DELE1: variants seen among roughly 807,000 people sequenced by gnomAD.
DELE1 encodes the protein death ligand signal enhancer.
Under a neutral mutation model 59.3 loss-of-function variants are expected in DELE1, and 54 were observed. That is an observed-to-expected ratio of 0.91 (90% CI 0.73 to 1.14). DELE1 has a LOEUF of 1.14. Ranked by LOEUF, DELE1 falls within the 50% of genes most tolerant of loss-of-function variation. The pLI, the probability that DELE1 is intolerant of heterozygous loss-of-function variation, is 0.00. For synonymous variants in DELE1, 264 were observed against 259.1 expected (o/e 1.02, Z -0.18); for missense variants, 636 against 643.9 (o/e 0.99, Z 0.13).
In DELE1 at chr5:141,940,765, G is replaced by T; in HGVS notation, c.*2006G>T. The T allele has an allele frequency of 1.0e-6, 1 of 980,298 alleles. No homozygotes were observed. Among genetic ancestry groups the T allele is most frequent in the Non-Finnish European group, 1.2e-6 (1 of 825,304 alleles). The allele number at this position is 980,298 out of a possible 1,614,324, so 60.7% of individuals were successfully genotyped here. On this transcript the variant is annotated 3_prime_UTR_variant, in exon 12 of 12. Transcript: ENST00000432126. ...GCAGGGTCCTTGTCTTTGTATTCCA[G>T]TGTCCCCAGCACTGAGTGCAAGGCC...
chr5:141,928,330 G>A (rs775419322), intron 4 of DELE1, 32 bp downstream of exon 4: 4 of 1,598,210 alleles, frequency 2.5e-6, no homozygotes, highest in Non-Finnish European at 3.4e-6. Context: ...CAGGAGGGCT[G>A]GGCTGGGCGT....
chr5:141,933,399 A>T lies in DELE1; in HGVS notation c.895A>T (p.Lys299Ter). 1 of 1,491,666 alleles carries T rather than the reference A, an allele frequency of 6.7e-7. No individual in the cohort carries two copies. The highest frequency in any genetic ancestry group is 1.4e-5 in the African/African-American group (1 of 71,778). The allele number at this position is 1,491,666 out of a possible 1,614,324, so 92.4% of individuals were successfully genotyped here. A position where few individuals can be genotyped will look rare whatever the true frequency, so the allele number is the denominator to read the frequency against. Residue 299 changes from lysine to a stop codon, truncating the protein, a stop_gained and splice_region_variant, in exon 8 of 12, where the codon AAG (lysine) becomes TAG (stop). Transcript: ENST00000432126. LOFTEE classifies it high-confidence loss of function. The stretch of plus-strand genomic sequence containing the variant: ...CAGAGGCACCCCCAGGGACATTAGC[A>T]AGGTATTCCCCTGCCCCCAAGCCTG... ...HGRGTPRDISKAVLYYQLAAS... is the reference protein window; with the variant it reads ...HGRGTPRDIS
At chr5:141,937,152 C>A in intron 10 of DELE1, 46 bp from the exon 11 acceptor site, 1 of 1,608,004 alleles carries the variant, frequency 6.2e-7, no homozygotes, top group South Asian at 1.1e-5. Flanking sequence ...GTCAGTTCCT[C>A]ATTCCTGCAT....
Position 141,940,662 on chromosome 5 carries a change from T to A in DELE1, c.*1903T>A. 1.0e-6 allele frequency: 1 copy of A among 985,326 alleles called. No homozygotes were observed. The highest frequency in any genetic ancestry group is 1.2e-6 in the Non-Finnish European group (1 of 829,656). The allele number at this position is 985,326 out of a possible 1,614,324, so 61.0% of individuals were successfully genotyped here. ...TCCTCGCCTGCTCCCTGCCTCCTTT[T>A]CAGGGCTGCCCTGCACACTGGCTCA... is the stretch of plus-strand genomic sequence containing the variant. On this transcript the variant is annotated 3_prime_UTR_variant, in exon 12 of 12. Transcript: ENST00000432126.
At chr5:141,929,353 A>G (rs771590349) in intron 4 of DELE1, among the ~76,000 whole-genome samples, 19 of 151,832 alleles carry the variant, frequency 1.3e-4, no homozygotes, top group Non-Finnish European at 2.5e-4. Flanking sequence ...GGTTCAAGCA[A>G]TTTTCCTGCC....
In DELE1 at chr5:141,933,281, C is replaced by T. The variant is rs765620157; in HGVS notation, c.777C>T (p.Gly259=). ...CAGGAACAGAGAACATGAAGAGTGG[C>T]GACCACACGGCAGCCTTTTCTTACT... ...NFLGTENMKS[G]DHTAAFSYFQ... The change falls in exon 8 of 12, where the codon GGC becomes GGT. Residue 259 remains glycine, a synonymous_variant. Coordinates refer to ENST00000432126, the MANE Select transcript of DELE1 (RefSeq NM_014773.5). The T allele has an allele frequency of 3.0e-5, 46 of 1,556,462 alleles. 1 individual carries two copies. The Middle Eastern group carries it at 1.6e-3, about 52-fold the overall frequency.
intron 11 of DELE1, among the ~76,000 whole-genome samples, chr5:141,937,760 G>A (rs1469009149): frequency 2.9e-5 from 2 of 69,466 alleles, no homozygotes; most frequent in African/African-American, 5.8e-5. Context: ...GACAGAGCAA[G>A]ATTCTGTTTC....
intron 11 of DELE1, among the ~76,000 whole-genome samples, chr5:141,937,823 G>GT (rs895799007): frequency 8.8e-5 from 13 of 147,632 alleles, no homozygotes; most frequent in Admixed American, 1.3e-4. Flanking sequence ...ACAAACCTGA[G>GT]TTTTTTTTGT....
At chr5:141,928,055 C>G in intron 3 of DELE1, 96 bp from the exon 4 acceptor site, 1 of 1,427,908 alleles carries the variant, frequency 7.0e-7, no homozygotes, top group Non-Finnish European at 9.5e-7. Context: ...AGCTGCCCCA[C>G]CTGGATTTCC....
rs370151096 is a variant in DELE1, at chr5:141,934,315, C to T, written c.973C>T (p.Arg325Ter). ...AQYRYARCLLRDPASSWNPER... is the reference protein window; with the variant it reads ...AQYRYARCLL ...GTACCGCTATGCCAGGTGCCTACTA[C>T]GAGACCCAGCCTCTTCGTGGAACCC... The change falls in exon 9 of 12, where the codon CGA becomes TGA. Residue 325 changes from arginine to a stop codon, truncating the protein, a stop_gained. Transcript: ENST00000432126. LOFTEE classifies it high-confidence loss of function. The T allele has an allele frequency of 5.6e-5, 91 of 1,614,056 alleles. No homozygotes were observed. Among genetic ancestry groups the T allele is most frequent in the African/African-American group, 2.3e-4 (17 of 74,938 alleles).
At chr5:141,925,773 C>T (rs1266052662) in intron 3 of DELE1, among the ~76,000 whole-genome samples, 1 of 152,230 alleles carries the variant, frequency 6.6e-6, no homozygotes, top group Non-Finnish European at 1.5e-5. Flanking sequence ...TTGCTAGTCA[C>T]TACGGACATA....
Position 141,928,269 on chromosome 5 carries a change from T to C in DELE1, c.383T>C (p.Phe128Ser). The change falls in exon 4 of 12, where the codon TTC becomes TCC. Residue 128 changes from phenylalanine to serine, a missense_variant. Coordinates refer to ENST00000432126, the MANE Select transcript of DELE1 (RefSeq NM_014773.5). ...CSWHSPLDRF[F>S]SSPLWHPCSS... is the part of the protein sequence containing the mutation. ...TGGCACAGTCCCCTGGACCGTTTCTTCTCATCTCCCTTGTGGCACCCATGC... is the reference window on the plus strand; with the variant it reads ...TGGCACAGTCCCCTGGACCGTTTCTCCTCATCTCCCTTGTGGCACCCATGC... 6.2e-7 allele frequency: 1 copy of C among 1,614,098 alleles called. No individual in the cohort carries two copies.
Position 141,940,536 on chromosome 5 carries a change from T to G in DELE1, c.*1777T>G, listed in dbSNP as rs1242847131. On this transcript the variant is annotated 3_prime_UTR_variant, in exon 12 of 12. Coordinates refer to ENST00000432126, the MANE Select transcript of DELE1 (RefSeq NM_014773.5). ...GGGGAAAGTTGTCCACGTTTCCCTC[T>G]CTGCTTCCCACCCCATCTCTCTCAA... 1.0e-6 allele frequency: 1 copy of G among 985,370 alleles called. No homozygotes were observed. The highest frequency in any genetic ancestry group is 1.7e-5 in the African/African-American group (1 of 57,244). The allele number at this position is 985,370 out of a possible 1,614,324, so 61.0% of individuals were successfully genotyped here. A position where few individuals can be genotyped will look rare whatever the true frequency, so the allele number is the denominator to read the frequency against.
intron 7 of DELE1, among the ~76,000 whole-genome samples, chr5:141,932,316 C>G (rs1596606871): frequency 6.6e-6 from 1 of 152,164 alleles, no homozygotes; most frequent in East Asian, 1.9e-4. Context: ...GTTGGATGTG[C>G]CTGCATTCAG....
chr5:141,928,927 T>G (rs1462042341), intron 4 of DELE1, among the ~76,000 whole-genome samples: 8 of 150,646 alleles, frequency 5.3e-5, no homozygotes, highest in Non-Finnish European at 1.2e-4. Context: ...TAAGCATTAG[T>G]TCTTGTCCTT....
Position 141,939,016 on chromosome 5 carries a change from A to C in DELE1, c.*257A>C. On this transcript the variant is annotated 3_prime_UTR_variant, in exon 12 of 12. Coordinates refer to ENST00000432126, the MANE Select transcript of DELE1 (RefSeq NM_014773.5). ...GGATGCATTCAGTGACCTATGAAAA[A>C]CCCTACTGAAGGGTCCAGAGACCCT... 2 of 1,289,748 alleles carry C rather than the reference A, an allele frequency of 1.6e-6. No homozygotes were observed. Among genetic ancestry groups the C allele is most frequent in the East Asian group, 3.5e-5 (1 of 28,276 alleles). 79.9% of individuals were successfully genotyped at this position (1,289,748 alleles called of 1,614,324 possible).
Position 141,925,522 on chromosome 5 carries a change from T to G in DELE1, c.259T>G (p.Ser87Ala). The change falls in exon 3 of 12, where the codon TCT becomes GCT. Residue 87 changes from serine to alanine, a missense_variant. Ser to Ala is a moderately conservative substitution (Grantham distance 99). Coordinates refer to ENST00000432126, the MANE Select transcript of DELE1 (RefSeq NM_014773.5). ...VSPNTLWDAI[S>A]WGTLAVLALQ... The stretch of plus-strand genomic sequence containing the variant: ...CCCGAACACCCTATGGGATGCCATA[T>G]CTTGGGTAAGGCTTCCCCAGCCTGG... 6.3e-7 allele frequency: 1 copy of G among 1,583,668 alleles called. No homozygotes were observed. The highest frequency in any genetic ancestry group is 8.6e-7 in the Non-Finnish European group (1 of 1,163,426).
In DELE1 at chr5:141,940,436, C is replaced by T. The variant is rs936734038; in HGVS notation, c.*1677C>T. ...GGTCTGGGAGGGATAGAGAGCCCAC[C>T]GCCCACCCCCCACAATCCCATGACT... On this transcript the variant is annotated 3_prime_UTR_variant, in exon 12 of 12. Transcript: ENST00000432126. 1.8e-5 allele frequency: 4 copies of T among 224,340 alleles called. No individual in the cohort carries two copies. Among genetic ancestry groups the T allele is most frequent in the African/African-American group, 8.0e-4 (2 of 2,494 alleles). The allele number at this position is 224,340 out of a possible 1,614,324, so 13.9% of individuals were successfully genotyped here.
In DELE1 at chr5:141,940,737, G is replaced by A; in HGVS notation, c.*1978G>A. 3 of 975,408 alleles carry A rather than the reference G, an allele frequency of 3.1e-6. No individual in the cohort carries two copies. Among genetic ancestry groups the A allele is most frequent in the Non-Finnish European group, 3.7e-6 (3 of 820,850 alleles). The allele number at this position is 975,408 out of a possible 1,614,324, so 60.4% of individuals were successfully genotyped here. ...CACCTTCCACAGATGGCACTCCTTG[G>A]GAGCAGGGTCCTTGTCTTTGTATTC... On this transcript the variant is annotated 3_prime_UTR_variant, in exon 12 of 12. Transcript: ENST00000432126.
Sources: allele counts gnomAD v4.1 joint callset (sites outside exome capture counted in the v4.1 genomes callset), GRCh38; gene constraint gnomAD v4.1.1; transcripts MANE v1.5; gene names NCBI Gene and HGNC (gene_info 2026-07-23, HGNC 2026-07-21).